The following TENM1 variants were observed in gnomAD, a reference collection of about 807,000 sequenced individuals.
The protein encoded by TENM1 is teneurin transmembrane protein 1.
A neutral mutation model predicts 174.8 loss-of-function variants in TENM1; 35 were observed. The observed-to-expected ratio is 0.20, with a 90% confidence interval of 0.15 to 0.27. The LOEUF is 0.27. Ranked by LOEUF, TENM1 falls within the 10% of genes least tolerant of loss-of-function variation. The probability of loss-of-function intolerance (pLI) is 1.00; values close to 1 mark genes in which losing one functional copy is unlikely to be tolerated. For synonymous variants in TENM1, 781 were observed against 798.7 expected, an observed-to-expected ratio of 0.98 and a Z score of 0.37; for missense variants, 1,633 against 2,130.1, an observed-to-expected ratio of 0.77 and a Z score of 4.59.
At chrX:124,533,649 A>C (rs2048151690) in intron 15 of TENM1, among the ~76,000 whole-genome samples, 1 of 111,702 alleles carries the variant, frequency 9.0e-6, no homozygotes, top group South Asian at 3.8e-4. Context: ...GGTCCTTAAA[A>C]ATTTGTCTTT....
exon 32 of TENM1, chrX:124,379,343 A>G (rs187804367): frequency 1.2e-4 from 13 of 112,617 alleles, no homozygotes; most frequent in Non-Finnish European, 2.1e-4. Context: ...TTCGGTTGGA[A>G]AGGATTTACT....
chrX:124,729,528 G>A (rs1047761931), intron 4 of TENM1, among the ~76,000 whole-genome samples: 1 of 111,941 alleles, frequency 8.9e-6, no homozygotes, highest in Admixed American at 9.4e-5. Context: ...CTCCATCTTT[G>A]GCAATGTGCC....
At chrX:125,120,476 C>T in the TENM1 span, among the ~76,000 whole-genome samples, 1 of 109,973 alleles carries the variant, frequency 9.1e-6, no homozygotes, top group Non-Finnish European at 1.9e-5. Context: ...CCAACCTGCC[C>T]CCCACACGGC....
chrX:124,667,241 AT>A (rs935993459), intron 6 of TENM1, among the ~76,000 whole-genome samples: 1 of 111,454 alleles, frequency 9.0e-6, no homozygotes, highest in Non-Finnish European at 1.9e-5. Context: ...TAAGTCTTTT[AT>A]TTGTTCATAT....
chrX:125,114,111 TC>T, the TENM1 span, among the ~76,000 whole-genome samples: 1 of 111,675 alleles, frequency 9.0e-6, no homozygotes, highest in African/African-American at 3.3e-5. Context: ...AAAAACTCAC[TC>T]AAAATCGCAC....
intron 11 of TENM1, among the ~76,000 whole-genome samples, chrX:124,582,405 A>C (rs2858405): frequency 0.42 from 47,143 of 110,976 alleles, 8,252 homozygotes; most frequent in East Asian, 0.82. Flanking sequence ...TCTATGATTT[A>C]TCGGAGCAGT....
chrX:124,597,888 A>G (rs2049938058), intron 11 of TENM1, among the ~76,000 whole-genome samples: 1 of 111,691 alleles, frequency 9.0e-6, no homozygotes, highest in Non-Finnish European at 1.9e-5. Flanking sequence ...ATGGAATGAC[A>G]TAAAGTTAAA....
At chrX:124,583,155 C>A (rs772730276) in intron 11 of TENM1, among the ~76,000 whole-genome samples, 27 of 111,320 alleles carry the variant, frequency 2.4e-4, no homozygotes, top group African/African-American at 8.8e-4. Flanking sequence ...CTTAAATGTC[C>A]CTGTCTGACA....
At chrX:124,397,356 C>T (rs1019969588) in intron 27 of TENM1, among the ~76,000 whole-genome samples, 1 of 111,722 alleles carries the variant, frequency 9.0e-6, no homozygotes, top group Non-Finnish European at 1.9e-5. Context: ...GGGCAATTTG[C>T]TATGGTTCAA....
At chrX:124,475,978 T>C (rs2046715484) in intron 22 of TENM1, among the ~76,000 whole-genome samples, 1 of 111,832 alleles carries the variant, frequency 8.9e-6, no homozygotes, top group Non-Finnish European at 1.9e-5. Context: ...TTCCTAAATA[T>C]ACCATTCTTT....
At chrX:124,760,763 A>G (rs1341338411) in intron 3 of TENM1, among the ~76,000 whole-genome samples, 1 of 109,416 alleles carries the variant, frequency 9.1e-6, no homozygotes, top group African/African-American at 3.3e-5. Flanking sequence ...CAGGCAACCT[A>G]CAGAATAGGA....
intron 4 of TENM1, among the ~76,000 whole-genome samples, chrX:124,735,714 A>T (rs1431283385): frequency 8.9e-6 from 1 of 112,093 alleles, no homozygotes; most frequent in Non-Finnish European, 1.9e-5. Flanking sequence ...AATTGGATGA[A>T]GAAAATGTGG....
chrX:124,508,058 G>A (rs1360308318), intron 18 of TENM1, among the ~76,000 whole-genome samples: 6 of 112,095 alleles, frequency 5.4e-5, no homozygotes, highest in African/African-American at 1.9e-4. Flanking sequence ...CAAGATTAAT[G>A]CAAAAACAAA....
At chrX:124,952,639 A>G (rs1156406456) in intron 1 of TENM1, among the ~76,000 whole-genome samples, 1 of 111,662 alleles carries the variant, frequency 9.0e-6, no homozygotes, top group Non-Finnish European at 1.9e-5. Flanking sequence ...ATTGGACTTT[A>G]GTAGTGAAGC....
At chrX:124,567,699 C>G (rs2048971866) in intron 11 of TENM1, among the ~76,000 whole-genome samples, 1 of 111,526 alleles carries the variant, frequency 9.0e-6, no homozygotes, top group South Asian at 3.8e-4. Context: ...AAAGTGGTAG[C>G]TCAGGTAGAA....
intron 1 of TENM1, among the ~76,000 whole-genome samples, chrX:124,924,606 G>C (rs999181554): frequency 9.0e-6 from 1 of 111,687 alleles, no homozygotes; most frequent in Admixed American, 9.5e-5. Context: ...CAGGGACCAT[G>C]ACATTTTGTT....
chrX:125,121,800 G>A, the TENM1 span, among the ~76,000 whole-genome samples: 1 of 112,496 alleles, frequency 8.9e-6, no homozygotes, highest in Non-Finnish European at 1.9e-5. Flanking sequence ...GGCCGGATGT[G>A]GTGGCTCACT....
At chrX:124,478,320 G>A (rs1217920275) in intron 22 of TENM1, among the ~76,000 whole-genome samples, 2 of 112,225 alleles carry the variant, frequency 1.8e-5, no homozygotes, top group Admixed American at 1.9e-4. Flanking sequence ...CCCTCCTTTG[G>A]TATTTACCAA....
At chrX:124,523,585 T>C in exon 17 of TENM1, 1 of 1,211,652 alleles carries the variant, frequency 8.3e-7, no homozygotes, top group Non-Finnish European at 1.1e-6. Context: ...CGGTCGAAGA[T>C]TAAGATGACA....
Sources: gnomAD v4.1 joint callset for allele counts (sites outside exome capture counted in the v4.1 genomes callset) on GRCh38, gnomAD v4.1.1 for gene constraint, MANE v1.5 for transcripts, NCBI Gene and HGNC (gene_info 2026-07-23, HGNC 2026-07-21) for gene names.